The following DENND1C variants were observed in gnomAD, a reference collection of about 807,000 sequenced individuals.
DENND1C encodes DENN domain-containing protein 1C.
In DENND1C, 64 loss-of-function variants were observed where a neutral mutation model predicts 87.9. The ratio of observed to expected loss-of-function variants is 0.73; its 90% CI spans 0.60 to 0.90. The LOEUF is 0.90. Ranked by LOEUF, DENND1C falls within the 40% of genes least tolerant of loss-of-function variation. The pLI is 0.00. For missense variants in DENND1C, 980 were observed against 1,037.0 expected, an observed-to-expected ratio of 0.95 and a Z score of 0.76; for synonymous variants, 384 against 424.4, an observed-to-expected ratio of 0.90 and a Z score of 1.17.
Position 6,468,914 on chromosome 19 carries a change from C to T in DENND1C, c.1447G>A (p.Ala483Thr), listed in dbSNP as rs1374821788. The change falls in exon 20 of 23, where the codon GCC becomes ACC. Residue 483 changes from alanine to threonine, a missense_variant. Ala to Thr is a moderately conservative substitution (Grantham distance 58). Transcript: ENST00000381480. ...TCTGAGCGGCTGGGGAGGGCTGGGG[C>T]CCTCAGAGAGCCCCCCCTCTGCAGG... ...SVLQRGGSLR[A>T]PALPSRSDRL... 6.8e-7 allele frequency: 1 copy of T among 1,477,502 alleles called. No individual in the cohort carries two copies. Among genetic ancestry groups the T allele is most frequent in the Non-Finnish European group, 8.9e-7 (1 of 1,118,712 alleles). 91.5% of individuals were successfully genotyped at this position (1,477,502 alleles called of 1,614,324 possible).
intron 6 of DENND1C, among the ~76,000 whole-genome samples, chr19:6,478,409 A>T (rs1379216058): frequency 1.5e-5 from 2 of 136,134 alleles, no homozygotes; most frequent in East Asian, 2.1e-4. Context: ...CGGCCGGCTA[A>T]TTTTTTTTTT....
chr19:6,476,839 C>G lies in DENND1C; in HGVS notation c.678+18G>C, dbSNP rs1221009485. ...GCCAGGCCCTGCTCCCACCCCGGCC[C>G]GGCGGACCCCGCCTCACGGTGCTGA... On this transcript the variant is annotated intron_variant, in intron 10 of 22. Transcript: ENST00000381480. 1 of 1,604,640 alleles carries G rather than the reference C, an allele frequency of 6.2e-7. No individual in the cohort carries two copies. Among genetic ancestry groups the G allele is most frequent in the Admixed American group, 1.7e-5 (1 of 59,398 alleles).
At chr19:6,481,463 TAGAG>T (rs4028204) in intron 1 of DENND1C, among the ~76,000 whole-genome samples, 1,714 of 147,946 alleles carry the variant, frequency 0.012, 15 homozygotes, top group Non-Finnish European at 0.017. Flanking sequence ...AGGAGCTGGA[TAGAG>T]AGAGAGAGAG....
chr19:6,468,282 C>G lies in DENND1C; in HGVS notation c.1743G>C (p.Gln581His). Reference protein sequence around the residue: ...AKSAGSLRPSQSLDCCHRGDL... With the variant: ...AKSAGSLRPSHSLDCCHRGDL... ...CTCCTCTGTGACAGCAGTCTAAACT[C>G]TGGCTCGGTCTCAGGCTGCCTGCGC... Residue 581 changes from glutamine (Q) to histidine (H), a missense_variant, in exon 22 of 23, where the codon CAG (glutamine) becomes CAC (histidine). Coordinates refer to ENST00000381480, the MANE Select transcript of DENND1C (RefSeq NM_024898.4). The G allele has an allele frequency of 6.2e-7, 1 of 1,613,724 alleles. No individual in the cohort carries two copies.
chr19:6,467,400 G>A lies in DENND1C; in HGVS notation c.*104C>T, dbSNP rs1416354032. On this transcript the variant is annotated 3_prime_UTR_variant, in exon 23 of 23. Transcript: ENST00000381480. ...ACAGAGGTGGGTGGGATGGATTTCC[G>A]AGCAGAGTGAGGGCACCAGAGAAAT... The A allele has an allele frequency of 7.9e-6, 11 of 1,392,032 alleles. No homozygotes were observed. The Admixed American group carries it at 1.3e-4, about 17-fold the overall frequency. 86.2% of individuals were successfully genotyped at this position (1,392,032 alleles called of 1,614,324 possible).
At chr19:6,469,011 A>C in intron 19 of DENND1C, 58 bp from the exon 20 acceptor site, 4 of 1,015,430 alleles carry the variant, frequency 3.9e-6, no homozygotes, top group Non-Finnish European at 5.2e-6. Flanking sequence ...ACCACCCCCT[A>C]CCATTGGTCT....
At chr19:6,470,419 C>A (rs2092821149) in intron 17 of DENND1C, 53 bp from the exon 18 acceptor site, 1 of 1,563,380 alleles carries the variant, frequency 6.4e-7, no homozygotes, top group East Asian at 2.3e-5. Flanking sequence ...TCCCACCTCC[C>A]CATCCCAGGT....
At chr19:6,476,128 G>T in intron 10 of DENND1C, 191 bp from the exon 11 acceptor site, 1 of 596,642 alleles carries the variant, frequency 1.7e-6, no homozygotes, top group Non-Finnish European at 2.9e-6. Context: ...TGCTTTAAGC[G>T]GGTGAAGCCA....
chr19:6,475,581 ACT>A lies in DENND1C; in HGVS notation c.828_829del (p.Arg276SerfsTer24), dbSNP rs754479675. The A allele has an allele frequency of 4.3e-6, 7 of 1,613,872 alleles. No individual in the cohort carries two copies. Among genetic ancestry groups the A allele is most frequent in the African/African-American group, 1.3e-5 (1 of 75,016 alleles). ...GACGTCCTCCAGGGCTTTTTCTCGT[ACT>A]CTCTGCGGAAAAGCGGGGTCGGCCG... is the stretch of plus-strand genomic sequence containing the variant. On this transcript the variant is annotated frameshift_variant and splice_region_variant, in exon 13 of 23. Transcript: ENST00000381480. LOFTEE classifies it high-confidence loss of function.
At chr19:6,472,547 C>T (rs370366056) in intron 15 of DENND1C, among the ~76,000 whole-genome samples, 2 of 152,274 alleles carry the variant, frequency 1.3e-5, no homozygotes, top group Admixed American at 1.3e-4. Context: ...CACGCCACCA[C>T]GCCCAGCTAA....
intron 1 of DENND1C, chr19:6,480,372 G>A: frequency 7.7e-7 from 1 of 1,294,998 alleles, no homozygotes; most frequent in Non-Finnish European, 9.9e-7. Flanking sequence ...CTGAAAAGAT[G>A]AGACTGTCTC....
chr19:6,470,628 T>G lies in DENND1C; in HGVS notation c.1291-262A>C, dbSNP rs1010847707. Among the ~76,000 whole-genome samples, 7 of 146,422 alleles carry G rather than the reference T, an allele frequency of 4.8e-5. 1 individual carries two copies. The highest frequency in any genetic ancestry group is 1.9e-4 in the East Asian group (1 of 5,180). On this transcript the variant is annotated intron_variant, in intron 17 of 22. Coordinates refer to ENST00000381480, the MANE Select transcript of DENND1C (RefSeq NM_024898.4). ...AAGAACAGTTTTTTTTTGTTTTTTT[T>G]TTTTTTTTGCTGAGATGCAGTCTTG...
At position 6,479,894 on chromosome 19, in the gene DENND1C, TG is replaced by T. The variant is rs757060526; in HGVS notation, c.90del (p.Ile31SerfsTer81). On this transcript the variant is annotated frameshift_variant, in exon 3 of 23. Transcript: ENST00000381480. LOFTEE classifies it high-confidence loss of function. ...AAGTCTGGAGGGAACTGCCGCAGGA[TG>T]GGGGGATCTGTAGAAGAGAGCACGC... ...ACPASLQEDP[P>X]ILRQFPPDFR... The T allele has an allele frequency of 1.2e-6, 2 of 1,604,574 alleles. No homozygotes were observed. The highest frequency in any genetic ancestry group is 1.7e-6 in the Non-Finnish European group (2 of 1,175,816).
chr19:6,471,993 T>C (rs2080348274), intron 15 of DENND1C, among the ~76,000 whole-genome samples: 1 of 152,050 alleles, frequency 6.6e-6, no homozygotes, highest in South Asian at 2.1e-4. Flanking sequence ...CCTCCCCGAG[T>C]CAGGACCTGT....
chr19:6,472,342 T>C (rs1470727819), intron 15 of DENND1C, among the ~76,000 whole-genome samples: 1 of 151,994 alleles, frequency 6.6e-6, no homozygotes, highest in Non-Finnish European at 1.5e-5. Context: ...GACCTAGGAG[T>C]AGGTCTTGTC....
chr19:6,467,363 G>T lies in DENND1C; in HGVS notation c.*141C>A, dbSNP rs145823006. On this transcript the variant is annotated 3_prime_UTR_variant, in exon 23 of 23. Transcript: ENST00000381480. ...CTGCTAGGAGCCAGTTAGAGAGGCT[G>T]CCCTTGGAGGGACAGAGGTGGGTGG... 0.024 allele frequency: 28,199 copies of T among 1,169,266 alleles called. 396 individuals are homozygous for T. Among genetic ancestry groups the T allele is most frequent in the Non-Finnish European group, 0.028 (24,647 of 876,594 alleles). 72.4% of individuals were successfully genotyped at this position (1,169,266 alleles called of 1,614,324 possible). A position where few individuals can be genotyped will look rare whatever the true frequency, so the allele number is the denominator to read the frequency against.
intron 19 of DENND1C, chr19:6,469,341 T>C (rs2145175528): frequency 2.0e-6 from 1 of 499,028 alleles, no homozygotes; most frequent in Admixed American, 3.3e-5. Context: ...ACAGTCTTCT[T>C]TTTTTTGAGA....
Position 6,477,243 on chromosome 19 carries a change from G to T in DENND1C, c.488C>A (p.Pro163His), listed in dbSNP as rs760727275. The change falls in exon 8 of 23, where the codon CCC (proline) becomes CAC (histidine). Residue 163 changes from proline (P) to histidine (H), a missense_variant. Coordinates refer to ENST00000381480, the MANE Select transcript of DENND1C (RefSeq NM_024898.4). ...VTVSSGQGIPPPTRGNSKPLS... is the reference protein window; with the variant it reads ...VTVSSGQGIPHPTRGNSKPLS... ...CGGCTTGCTATTCCCCCGGGTAGGG[G>T]GGGGGATACCCTGCCCGCTGGAGAC... 6.3e-7 allele frequency: 1 copy of T among 1,586,030 alleles called. No homozygotes were observed. The highest frequency in any genetic ancestry group is 1.1e-5 in the South Asian group (1 of 88,190).
chr19:6,476,531 G>T (rs2092861575), intron 10 of DENND1C: 4 of 254,640 alleles, frequency 1.6e-5, no homozygotes, highest in Non-Finnish European at 1.5e-5. Flanking sequence ...GAGTCCCTGG[G>T]TCCCTGGGTC....
Sources: gnomAD v4.1 joint callset for allele counts (sites outside exome capture counted in the v4.1 genomes callset) on GRCh38, gnomAD v4.1.1 for gene constraint, MANE v1.5 for transcripts, NCBI Gene and HGNC (gene_info 2026-07-23, HGNC 2026-07-21) for gene names.